The following OR5F1 variants were observed in gnomAD, a reference collection of about 807,000 sequenced individuals.
The protein encoded by OR5F1 is olfactory receptor family 5 subfamily F member 1.
For synonymous variants in OR5F1, 185 were observed against 153.2 expected, an observed-to-expected ratio of 1.21 and a Z score of -1.53; for missense variants, 429 against 369.9, an observed-to-expected ratio of 1.16 and a Z score of -1.31.
At position 55,994,454 on chromosome 11, in the gene OR5F1, G is replaced by T. The variant is rs752763609; in HGVS notation, c.172C>A (p.Pro58Thr). The T allele has an allele frequency of 9.9e-5, 159 of 1,613,722 alleles. No homozygotes were observed. Among genetic ancestry groups the T allele is most frequent in the Non-Finnish European group, 1.3e-4 (157 of 1,179,948 alleles). The change falls in exon 1 of 1, where the codon CCC becomes ACC. Residue 58 changes from proline (P) to threonine (T), a missense_variant. Transcript: ENST00000278409. ...AGGTTAGCCAGGAAGAAATACATGGGTGTGTGAAGCTGGGAATCGATCCTG... is the reference window on the plus strand; with the variant it reads ...AGGTTAGCCAGGAAGAAATACATGGTTGTGTGAAGCTGGGAATCGATCCTG... ...LIRIDSQLHT[P>T]MYFFLANLSF...
rs1486280623 is a variant in OR5F1, at chr11:55,993,878, G to T, written c.748C>A (p.Leu250Met). The change falls in exon 1 of 1, where the codon CTG (leucine) becomes ATG (methionine). Residue 250 changes from leucine (L) to methionine (M), a missense_variant. Physicochemically the swap from Leu to Met is conservative, Grantham distance 15 (BLOSUM62 2). Transcript: ENST00000278409. Reference sequence around the variant, plus strand: ...GTATAGATGCAGGTGGCATAGAACAGAATTATGGCTGTCAGGTGAGAGGCA... The same window carrying T: ...GTATAGATGCAGGTGGCATAGAACATAATTATGGCTGTCAGGTGAGAGGCA... ...TCASHLTAIILFYATCIYTYL... is the reference protein window; with the variant it reads ...TCASHLTAIIMFYATCIYTYL... The T allele has an allele frequency of 6.2e-7, 1 of 1,613,860 alleles. No individual in the cohort carries two copies. Among genetic ancestry groups the T allele is most frequent in the Non-Finnish European group, 8.5e-7 (1 of 1,179,976 alleles).
rs764608332 is a variant in OR5F1 at position 55,993,873 on chromosome 11, G to T, written c.753C>A (p.Phe251Leu). 3.7e-6 allele frequency: 6 copies of T among 1,613,900 alleles called. No homozygotes were observed. The highest frequency in any genetic ancestry group is 3.3e-4 in the Middle Eastern group (2 of 6,058). The change falls in exon 1 of 1, where the codon TTC becomes TTA. Residue 251 changes from phenylalanine to leucine, a missense_variant. By Grantham distance (22) the Phe-to-Leu change is conservative. Transcript: ENST00000278409. Reference sequence around the variant, plus strand: ...GGTAAGTATAGATGCAGGTGGCATAGAACAGAATTATGGCTGTCAGGTGAG... The same window carrying T: ...GGTAAGTATAGATGCAGGTGGCATATAACAGAATTATGGCTGTCAGGTGAG... ...CASHLTAIIL[F>L]YATCIYTYLR...
rs752982370 is a variant in OR5F1 at position 55,994,532 on chromosome 11, GA to G, written c.93del (p.Val33Ter). 2.5e-6 allele frequency: 4 copies of G among 1,609,642 alleles called. No homozygotes were observed. Among genetic ancestry groups the G allele is most frequent in the Non-Finnish European group, 3.4e-6 (4 of 1,178,534 alleles). On this transcript the variant is annotated frameshift_variant, in exon 1 of 1. Transcript: ENST00000278409. LOFTEE classifies it low-confidence loss of function (END_TRUNC). Reference sequence around the variant, plus strand: ...AGTACTGTAAGTGTATAAATCACAAGAAAAAACAAAAAGAGGATAATCTGTA... The same window carrying G: ...AGTACTGTAAGTGTATAAATCACAAGAAAAACAAAAAGAGGATAATCTGTA... ...LELQIILFLF[F>X]LVIYTLTVLG...
chr11:55,994,327 T>G lies in OR5F1; in HGVS notation c.299A>C (p.Gln100Pro). ...KTISFAGCFL[Q>P]MYFFISLATT... ...CGCCAGGGAGATAAAGAAGTACATC[T>G]GTAGGAAGCAGCCAGCAAAAGAGAT... The change falls in exon 1 of 1, where the codon CAG becomes CCG. Residue 100 changes from glutamine to proline, a missense_variant. By Grantham distance (76) the Gln-to-Pro change is moderately conservative. Coordinates refer to ENST00000278409, the MANE Select transcript of OR5F1 (RefSeq NM_003697.1). 1 of 1,613,954 alleles carries G rather than the reference T, an allele frequency of 6.2e-7. No homozygotes were observed. The highest frequency in any genetic ancestry group is 1.1e-5 in the South Asian group (1 of 91,084).
In OR5F1 at chr11:55,994,457, T is replaced by C; in HGVS notation, c.169A>G (p.Thr57Ala). Residue 57 changes from threonine to alanine, a missense_variant, in exon 1 of 1, where the codon ACA becomes GCA. Coordinates refer to ENST00000278409, the MANE Select transcript of OR5F1 (RefSeq NM_003697.1). ...LLIRIDSQLH[T>A]PMYFFLANLS... The stretch of plus-strand genomic sequence containing the variant: ...TTAGCCAGGAAGAAATACATGGGTG[T>C]GTGAAGCTGGGAATCGATCCTGATT... The C allele has an allele frequency of 1.2e-6, 2 of 1,613,846 alleles. No individual in the cohort carries two copies. Among genetic ancestry groups the C allele is most frequent in the South Asian group, 1.1e-5 (1 of 91,076 alleles).
chr11:55,993,789 T>G lies in OR5F1; in HGVS notation c.837A>C (p.Thr279=). ...GAGGATTCAACATGGGAATCACCAC[T>G]GTGTAGAACACAGAAGCCACTTTGT... ...NQDKVASVFY[T]VVIPMLNPLI... Residue 279 remains threonine (T), a synonymous_variant, in exon 1 of 1, where the codon ACA becomes ACC. Transcript: ENST00000278409. 1 of 1,612,838 alleles carries G rather than the reference T, an allele frequency of 6.2e-7. No homozygotes were observed. The highest frequency in any genetic ancestry group is 8.5e-7 in the Non-Finnish European group (1 of 1,179,020).
chr11:55,994,517 G>A lies in OR5F1; in HGVS notation c.109C>T (p.Leu37Phe). ...LFLFFLVIYT[L>F]TVLGNLGMIL... ...ATCCCGAGATTTCCCAGTACTGTAA[G>A]TGTATAAATCACAAGAAAAAACAAA... Residue 37 changes from leucine (L) to phenylalanine (F), a missense_variant, in exon 1 of 1, where the codon CTT becomes TTT. Leu to Phe is a conservative substitution (Grantham distance 22). Transcript: ENST00000278409. 6.2e-7 allele frequency: 1 copy of A among 1,613,306 alleles called. No individual in the cohort carries two copies. Among genetic ancestry groups the A allele is most frequent in the Non-Finnish European group, 8.5e-7 (1 of 1,179,472 alleles).
Position 55,994,612 on chromosome 11 carries a change from T to A in OR5F1, c.14A>T (p.Asn5Ile). The change falls in exon 1 of 1, where the codon AAT (asparagine) becomes ATT (isoleucine). Residue 5 changes from asparagine to isoleucine, a missense_variant. Physicochemically the swap from Asn to Ile is moderately radical, Grantham distance 149. Coordinates refer to ENST00000278409, the MANE Select transcript of OR5F1 (RefSeq NM_003697.1). ...GACGAACTCAGTCAGTGAGGTATAA[T>A]TTTTTCTGGTCATTTATGAGAAATA... MTRK[N>I]YTSLTEFVLL... The A allele has an allele frequency of 6.6e-7, 1 of 1,521,390 alleles. No individual in the cohort carries two copies. Among genetic ancestry groups the A allele is most frequent in the Non-Finnish European group, 8.9e-7 (1 of 1,129,526 alleles). 94.2% of individuals were successfully genotyped at this position (1,521,390 alleles called of 1,614,324 possible).
chr11:55,993,754 C>T lies in OR5F1; in HGVS notation c.872G>A (p.Ser291Asn), dbSNP rs571978450. The T allele has an allele frequency of 1.1e-5, 17 of 1,611,046 alleles. No individual in the cohort carries two copies. Among genetic ancestry groups the T allele is most frequent in the South Asian group, 4.4e-5 (4 of 90,910 alleles). Residue 291 changes from serine (S) to asparagine (N), a missense_variant, in exon 1 of 1, where the codon AGC becomes AAC. By Grantham distance (46) the Ser-to-Asn change is conservative (BLOSUM62 1). Coordinates refer to ENST00000278409, the MANE Select transcript of OR5F1 (RefSeq NM_003697.1). Reference sequence around the variant, plus strand: ...CTTCTTTACTTCCTTACTCCTGAGGCTGTAGATCAGAGGATTCAACATGGG... The same window carrying T: ...CTTCTTTACTTCCTTACTCCTGAGGTTGTAGATCAGAGGATTCAACATGGG... ...VIPMLNPLIY[S>N]LRSKEVKKAL...
chr11:55,994,320 G>A lies in OR5F1; in HGVS notation c.306C>T (p.Tyr102=), dbSNP rs1302170564. ...CGGTTGTCGCCAGGGAGATAAAGAA[G>A]TACATCTGTAGGAAGCAGCCAGCAA... ...ISFAGCFLQM[Y]FFISLATTEC... The change falls in exon 1 of 1, where the codon TAC becomes TAT. Residue 102 remains tyrosine (Y), a synonymous_variant. Transcript: ENST00000278409. 6.2e-7 allele frequency: 1 copy of A among 1,613,838 alleles called. No individual in the cohort carries two copies. The highest frequency in any genetic ancestry group is 1.3e-5 in the African/African-American group (1 of 74,808).
In OR5F1 at chr11:55,993,862, C is replaced by G. The variant is rs58625186; in HGVS notation, c.764G>C (p.Cys255Ser). ...ACTAGGTCTCAGGTAAGTATAGATG[C>G]AGGTGGCATAGAACAGAATTATGGC... is the stretch of plus-strand genomic sequence containing the variant. ...LTAIILFYAT[C>S]IYTYLRPSSS... The change falls in exon 1 of 1, where the codon TGC becomes TCC. Residue 255 changes from cysteine (C) to serine (S), a missense_variant. Cys to Ser is a moderately radical substitution (Grantham distance 112, BLOSUM62 -1). Transcript: ENST00000278409. The G allele has an allele frequency of 2.0e-3, 3,188 of 1,613,142 alleles. 59 individuals carry two copies. In the African/African-American group the frequency reaches 0.034, roughly 17 times the overall value.
chr11:55,994,525 A>G lies in OR5F1; in HGVS notation c.101T>C (p.Ile34Thr). The G allele has an allele frequency of 2.5e-6, 4 of 1,613,616 alleles. No individual in the cohort carries two copies. The highest frequency in any genetic ancestry group is 3.4e-6 in the Non-Finnish European group (4 of 1,179,744). ...QIILFLFFLV[I>T]YTLTVLGNLG... ...ATTTCCCAGTACTGTAAGTGTATAAATCACAAGAAAAAACAAAAAGAGGAT... is the reference window on the plus strand; with the variant it reads ...ATTTCCCAGTACTGTAAGTGTATAAGTCACAAGAAAAAACAAAAAGAGGAT... The change falls in exon 1 of 1, where the codon ATT becomes ACT. Residue 34 changes from isoleucine to threonine, a missense_variant. Physicochemically the swap from Ile to Thr is moderately conservative, Grantham distance 89. Coordinates refer to ENST00000278409, the MANE Select transcript of OR5F1 (RefSeq NM_003697.1).
Position 55,994,222 on chromosome 11 carries a change from A to G in OR5F1, c.404T>C (p.Ile135Thr), listed in dbSNP as rs374750748. The change falls in exon 1 of 1, where the codon ATC becomes ACC. Residue 135 changes from isoleucine to threonine, a missense_variant. Ile to Thr is a moderately conservative substitution (Grantham distance 89). Transcript: ENST00000278409. Reference protein sequence around the residue: ...AICRPLLYSLIMSRTVYLKMA... With the variant: ...AICRPLLYSLTMSRTVYLKMA... Reference sequence around the variant, plus strand: ...TTTTAGGTAGACGGTCCTGGACATGATCAAGGAGTAAAGCAGCGGGCGACA... The same window carrying G: ...TTTTAGGTAGACGGTCCTGGACATGGTCAAGGAGTAAAGCAGCGGGCGACA... 6.2e-7 allele frequency: 1 copy of G among 1,613,986 alleles called. No homozygotes were observed. Among genetic ancestry groups the G allele is most frequent in the Non-Finnish European group, 8.5e-7 (1 of 1,180,004 alleles).
At position 55,993,914 on chromosome 11, in the gene OR5F1, A is replaced by G; in HGVS notation, c.712T>C (p.Phe238Leu). The change falls in exon 1 of 1, where the codon TTC becomes CTC. Residue 238 changes from phenylalanine to leucine, a missense_variant. Phe to Leu is a conservative substitution (Grantham distance 22, BLOSUM62 0). Transcript: ENST00000278409. Reference sequence around the variant, plus strand: ...GTCAGGTGAGAGGCACACGTGGAGAAAGCTCTGTGCCTCCCCTCCCCCGAA... The same window carrying G: ...GTCAGGTGAGAGGCACACGTGGAGAGAGCTCTGTGCCTCCCCTCCCCCGAA... The part of the protein sequence containing the change: ...MHSGEGRHRA[F>L]STCASHLTAI... The G allele has an allele frequency of 1.2e-6, 2 of 1,613,750 alleles. No homozygotes were observed. The highest frequency in any genetic ancestry group is 8.5e-7 in the Non-Finnish European group (1 of 1,179,854).
chr11:55,993,864 G>C lies in OR5F1; in HGVS notation c.762C>G (p.Thr254=). Residue 254 remains threonine (T), a synonymous_variant, in exon 1 of 1, where the codon ACC becomes ACG. Transcript: ENST00000278409. ...HLTAIILFYA[T]CIYTYLRPSS... is the part of the protein sequence containing the mutation. ...TAGGTCTCAGGTAAGTATAGATGCA[G>C]GTGGCATAGAACAGAATTATGGCTG... The C allele has an allele frequency of 6.2e-7, 1 of 1,613,900 alleles. No individual in the cohort carries two copies. The highest frequency in any genetic ancestry group is 1.3e-5 in the African/African-American group (1 of 74,942).
At position 55,993,699 on chromosome 11, in the gene OR5F1, C is replaced by T. The variant is rs1208402919; in HGVS notation, c.927G>A (p.Arg309=). The change falls in exon 1 of 1, where the codon AGG becomes AGA. Residue 309 remains arginine (R), a synonymous_variant. Coordinates refer to ENST00000278409, the MANE Select transcript of OR5F1 (RefSeq NM_003697.1). ...KALANVISRK[R]TSSFL is the part of the protein sequence containing the mutation. ...CAAACAATCACAGAAAGGAAGAGGT[C>T]CTTTTCCTGCTAATTACATTCGCTA... 1 of 1,572,288 alleles carries T rather than the reference C, an allele frequency of 6.4e-7. No individual in the cohort carries two copies. Among genetic ancestry groups the T allele is most frequent in the Non-Finnish European group, 8.6e-7 (1 of 1,156,984 alleles).
rs1434350535 is a variant in OR5F1, at chr11:55,993,721, G to C, written c.905C>G (p.Ala302Gly). ...GGTCCTTTTCCTGCTAATTACATTC[G>C]CTAAAGCCTTCTTTACTTCCTTACT... is the stretch of plus-strand genomic sequence containing the variant. ...LRSKEVKKAL[A>G]NVISRKRTSS... The change falls in exon 1 of 1, where the codon GCG becomes GGG. Residue 302 changes from alanine to glycine, a missense_variant. Transcript: ENST00000278409. 2.5e-6 allele frequency: 4 copies of C among 1,599,832 alleles called. No homozygotes were observed. Among genetic ancestry groups the C allele is most frequent in the Non-Finnish European group, 3.4e-6 (4 of 1,172,814 alleles).
Position 55,994,100 on chromosome 11 carries a change from G to A in OR5F1, c.526C>T (p.His176Tyr). Residue 176 changes from histidine to tyrosine, a missense_variant, in exon 1 of 1, where the codon CAC becomes TAC. By Grantham distance (83) the His-to-Tyr change is moderately conservative. Transcript: ENST00000278409. ...LSFCDSNVIHHFFCDSPPLFK... is the reference protein window; with the variant it reads ...LSFCDSNVIHYFFCDSPPLFK... ...AGTGGGGGACTGTCACAGAAGAAGTGATGGATGACATTGGAGTCACAGAAT... is the reference window on the plus strand; with the variant it reads ...AGTGGGGGACTGTCACAGAAGAAGTAATGGATGACATTGGAGTCACAGAAT... 1.9e-6 allele frequency: 3 copies of A among 1,614,008 alleles called. No homozygotes were observed. The highest frequency in any genetic ancestry group is 2.5e-6 in the Non-Finnish European group (3 of 1,179,988).
rs746413650 is a variant in OR5F1 at position 55,994,261 on chromosome 11, C to A, written c.365G>T (p.Arg122Met). 1 of 1,613,842 alleles carries A rather than the reference C, an allele frequency of 6.2e-7. No homozygotes were observed. The part of the protein sequence containing the change: ...CILFGLMAYD[R>M]YAAICRPLLY... ...CAGCGGGCGACATATGGCCGCATAC[C>A]TGTCATAGGCCATTAACCCAAAGAG... is the stretch of plus-strand genomic sequence containing the variant. Residue 122 changes from arginine (R) to methionine (M), a missense_variant, in exon 1 of 1, where the codon AGG becomes ATG. By Grantham distance (91) the Arg-to-Met change is moderately conservative. Coordinates refer to ENST00000278409, the MANE Select transcript of OR5F1 (RefSeq NM_003697.1).
Sources: gnomAD v4.1 joint callset for allele counts on GRCh38, gnomAD v4.1.1 for gene constraint, MANE v1.5 for transcripts, NCBI Gene and HGNC (gene_info 2026-07-23, HGNC 2026-07-21) for gene names.